The following ACSBG2 variants were observed in gnomAD, a reference collection of about 807,000 sequenced individuals.
The protein encoded by ACSBG2 is long-chain-fatty-acid--CoA ligase ACSBG2.
Under a neutral mutation model 74.7 loss-of-function variants are expected in ACSBG2, and 62 were observed. The observed-to-expected ratio is 0.83, with a 90% confidence interval of 0.68 to 1.03. ACSBG2 has a LOEUF of 1.03. ACSBG2 is among the 50% of genes least tolerant of loss of function. ACSBG2 has a pLI of 0.00. For missense variants in ACSBG2, 730 were observed against 817.6 expected, an observed-to-expected ratio of 0.89 and a Z score of 1.31; for synonymous variants, 309 against 294.1, an observed-to-expected ratio of 1.05 and a Z score of -0.52.
At chr19:6,173,937 A>ATTTTTTTTT (rs56905660) in intron 7 of ACSBG2, among the ~76,000 whole-genome samples, 1 of 131,010 alleles carries the variant, frequency 7.6e-6, no homozygotes, top group Non-Finnish European at 1.6e-5. Context: ...CTCTTGAACT[A>ATTTTTTTTT]TTTTTTTTTT....
chr19:6,158,259 A>G (rs10415582), intron 5 of ACSBG2, among the ~76,000 whole-genome samples: 17,932 of 151,464 alleles, frequency 0.12, 2,079 homozygotes, highest in African/African-American at 0.31. Context: ...GGGTTTCACC[A>G]TGTTAGCCAG....
intron 11 of ACSBG2, among the ~76,000 whole-genome samples, chr19:6,186,365 G>C (rs2090408779): frequency 6.6e-6 from 1 of 152,068 alleles, no homozygotes; most frequent in South Asian, 2.1e-4. Context: ...ATTTTTATGT[G>C]TCAAAAAAAA....
intron 7 of ACSBG2, among the ~76,000 whole-genome samples, chr19:6,171,268 G>A (rs1342631510): frequency 6.6e-6 from 1 of 152,072 alleles, no homozygotes; most frequent in Non-Finnish European, 1.5e-5. Flanking sequence ...CCTGTCATGT[G>A]TTTTTGCTTT....
In ACSBG2 at chr19:6,156,698, A is replaced by T. The variant is rs374854930; in HGVS notation, c.507+147A>T. 5.2e-6 allele frequency: 4 copies of T among 770,160 alleles called. No individual in the cohort carries two copies. The East Asian group carries it at 1.4e-4, about 26-fold the overall frequency. The allele number at this position is 770,160 out of a possible 1,614,324, so 47.7% of individuals were successfully genotyped here. ...GAGTCCTCCATGACCTCATTAGTATATGTGGTGAAGCTATTTTTGGAGAAG... is the reference window on the plus strand; with the variant it reads ...GAGTCCTCCATGACCTCATTAGTATTTGTGGTGAAGCTATTTTTGGAGAAG... On this transcript the variant is annotated intron_variant, in intron 5 of 14. Coordinates refer to ENST00000588485, the MANE Select transcript of ACSBG2 (RefSeq NM_030924.5).
intron 6 of ACSBG2, chr19:6,161,559 G>A (rs964749104): frequency 8.4e-6 from 3 of 355,432 alleles, no homozygotes; most frequent in Admixed American, 8.2e-5. Flanking sequence ...CAAGGGAAGT[G>A]GGTGTGGCCT....
intron 2 of ACSBG2, among the ~76,000 whole-genome samples, chr19:6,147,048 C>G (rs905156997): frequency 1.3e-5 from 2 of 151,920 alleles, no homozygotes; most frequent in African/African-American, 4.8e-5. Flanking sequence ...TTGCAGTGAG[C>G]TGTGATTGTG....
In ACSBG2 at chr19:6,180,184, T is replaced by C. The variant is rs2090206602; in HGVS notation, c.907-2567T>C. 6.6e-6 allele frequency among the ~76,000 whole-genome samples: 1 copy of C among 152,112 alleles called. No individual in the cohort carries two copies. Among genetic ancestry groups the C allele is most frequent in the Non-Finnish European group, 1.5e-5 (1 of 68,022 alleles). On this transcript the variant is annotated intron_variant, in intron 8 of 14. Transcript: ENST00000588485. This position sits in a 1 kb window ranked among gnomAD's most constrained non-coding sequence, Gnocchi z 4.3. ...TCCAGGATGATCTCCCATCTCAAGA[T>C]TCTTAACTTAATCCCATCTACAAAG...
At chr19:6,146,816 GC>G (rs1439993192) in intron 2 of ACSBG2, among the ~76,000 whole-genome samples, 1 of 151,888 alleles carries the variant, frequency 6.6e-6, no homozygotes, top group Non-Finnish European at 1.5e-5. Flanking sequence ...ATAAGATGGG[GC>G]CAGGTGCGGT....
chr19:6,179,293 A>ATAT (rs2090177129), intron 8 of ACSBG2, among the ~76,000 whole-genome samples: 2 of 118,594 alleles, frequency 1.7e-5, no homozygotes, highest in African/African-American at 6.2e-5. Context: ...TCTTTTCTAA[A>ATAT]TTTTTTTTTT....
chr19:6,166,280 T>TGTGTG (rs2089799967), intron 7 of ACSBG2, among the ~76,000 whole-genome samples: 1 of 119,096 alleles, frequency 8.4e-6, no homozygotes, highest in Admixed American at 8.0e-5. Flanking sequence ...GTCAGGAAGG[T>TGTGTG]TGTGTGTGTG....
intron 11 of ACSBG2, among the ~76,000 whole-genome samples, chr19:6,186,928 C>T (rs1464502031): frequency 2.0e-5 from 3 of 151,818 alleles, no homozygotes; most frequent in East Asian, 3.9e-4. Flanking sequence ...CACTTGTGGG[C>T]TCAAGTGATC....
rs1280093929 is a variant in ACSBG2 at position 6,187,266 on chromosome 19, G to C, written c.1541-17G>C. The C allele has an allele frequency of 6.2e-7, 1 of 1,613,978 alleles. No individual in the cohort carries two copies. The highest frequency in any genetic ancestry group is 2.2e-5 in the East Asian group (1 of 44,872). On this transcript the variant is annotated splice_polypyrimidine_tract_variant and intron_variant, in intron 11 of 14. Coordinates refer to ENST00000588485, the MANE Select transcript of ACSBG2 (RefSeq NM_030924.5). ...GTTGTCATGGCTGGACATGTACCAA[G>C]CCAAGCTCTGTTCCAGAAATCCTTA...
At position 6,187,737 on chromosome 19, in the gene ACSBG2, A is replaced by G. The variant is rs1017918428; in HGVS notation, c.1819A>G (p.Ile607Val). 3.7e-6 allele frequency: 6 copies of G among 1,614,112 alleles called. No individual in the cohort carries two copies. The African/African-American group carries it at 8.0e-5, about 22-fold the overall frequency. Reference protein sequence around the residue: ...KQQDPLVYKAIQQGINAVNQE... With the variant: ...KQQDPLVYKAVQQGINAVNQE... ...GCAAGACCCCCTGGTCTACAAGGCC[A>G]TCCAGCAAGGCATCAATGCTGTGAA... Residue 607 changes from isoleucine (I) to valine (V), a missense_variant, in exon 13 of 15, where the codon ATC becomes GTC. Coordinates refer to ENST00000588485, the MANE Select transcript of ACSBG2 (RefSeq NM_030924.5).
At position 6,190,650 on chromosome 19, in the gene ACSBG2, A is replaced by G; in HGVS notation, c.1994A>G (p.Tyr665Cys). 1 of 1,614,042 alleles carries G rather than the reference A, an allele frequency of 6.2e-7. No homozygotes were observed. The highest frequency in any genetic ancestry group is 8.5e-7 in the Non-Finnish European group (1 of 1,179,904). Residue 665 changes from tyrosine to cysteine, a missense_variant, in exon 14 of 15, where the codon TAC (tyrosine) becomes TGC (cysteine). Physicochemically the swap from Tyr to Cys is radical, Grantham distance 194 (BLOSUM62 -2). Transcript: ENST00000588485. ...TACAAAAAACAAATTGATCACATGT[A>G]CCACTGACTGCTTTGATGGAGCTGC... Reference protein sequence around the residue: ...QKYKKQIDHMYH With the variant: ...QKYKKQIDHMCH
At position 6,185,492 on chromosome 19, in the gene ACSBG2, G is replaced by A. The variant is rs772853803; in HGVS notation, c.1379G>A (p.Gly460Asp). ...KNMLFQQNKD[G>D]IGEICLWGRH... Reference sequence around the variant, plus strand: ...ATGCTGTTCCAGCAGAACAAGGATGGCATTGGGGAGATCTGCCTCTGGGGT... The same window carrying A: ...ATGCTGTTCCAGCAGAACAAGGATGACATTGGGGAGATCTGCCTCTGGGGT... Residue 460 changes from glycine (G) to aspartate (D), a missense_variant, in exon 11 of 15, where the codon GGC becomes GAC. Physicochemically the swap from Gly to Asp is moderately conservative, Grantham distance 94. Transcript: ENST00000588485. 1.9e-6 allele frequency: 3 copies of A among 1,614,208 alleles called. No individual in the cohort carries two copies. In the Admixed American group the frequency reaches 5.0e-5, roughly 27 times the overall value.
intron 7 of ACSBG2, among the ~76,000 whole-genome samples, chr19:6,167,215 T>A (rs2145154475): frequency 6.6e-6 from 1 of 152,326 alleles, no homozygotes; most frequent in South Asian, 2.1e-4. Context: ...CACACTGGTG[T>A]CTGACCACCT....
chr19:6,190,808 T>TACAAACAC, intron 14 of ACSBG2, 116 bp downstream of exon 14: 1 of 387,400 alleles, frequency 2.6e-6, no homozygotes, highest in Non-Finnish European at 4.7e-6. Context: ...CATACACACA[T>TACAAACAC]ACATACACAC....
rs1380829442 is a variant in ACSBG2, at chr19:6,184,841, A to G, written c.1323-595A>G. Among the ~76,000 whole-genome samples, 40 of 105,914 alleles carry G rather than the reference A, an allele frequency of 3.8e-4. 1 individual carries two copies. Among genetic ancestry groups the G allele is most frequent in the African/African-American group, 2.2e-3 (40 of 18,218 alleles). The allele number at this position is 105,914 out of a possible 152,430, so 69.5% of individuals were successfully genotyped here. ...CGGCATATGTGGAGATGAAAAAAAA[A>G]AAAAAAAAAAAAAAAAAAAAAAAAA... On this transcript the variant is annotated intron_variant, in intron 10 of 14. Transcript: ENST00000588485.
intron 7 of ACSBG2, among the ~76,000 whole-genome samples, chr19:6,168,844 T>C (rs2089887330): frequency 6.6e-6 from 1 of 152,194 alleles, no homozygotes; most frequent in African/African-American, 2.4e-5. Context: ...AGTGACACTA[T>C]CGCGGCACAC....
Sources: allele counts gnomAD v4.1 joint callset (sites outside exome capture counted in the v4.1 genomes callset), GRCh38; gene constraint gnomAD v4.1.1; non-coding constraint Gnocchi (gnomAD v3.1); transcripts MANE v1.5; gene names NCBI Gene and HGNC (gene_info 2026-07-23, HGNC 2026-07-21).